Variants in CTIF observed in about 807,000 individuals in gnomAD.
The protein encoded by CTIF is cap binding complex dependent translation initiation factor, also known as CBP80/20-dependent translation initiation factor.
CTIF carries 21 observed loss-of-function variants against 66.0 expected under a neutral mutation model. That is an observed-to-expected ratio of 0.32 (90% confidence interval 0.23 to 0.46). CTIF has a LOEUF of 0.46. Among genes scored for constraint, CTIF ranks in the 20% least tolerant of loss-of-function variants. The probability of loss-of-function intolerance (pLI) is 1.00; values close to 1 mark genes in which losing one functional copy is unlikely to be tolerated. For synonymous variants in CTIF, 345 were observed against 326.4 expected (o/e 1.06, Z -0.62); for missense variants, 739 against 812.7 (o/e 0.91, Z 1.10).
intron 9 of CTIF, among the ~76,000 whole-genome samples, chr18:48,801,175 CTGTG>C (rs1568230944): frequency 6.6e-6 from 1 of 152,218 alleles, no homozygotes; most frequent in Non-Finnish European, 1.5e-5. Flanking sequence ...GAATGGCACA[CTGTG>C]AGAGAGGGGC....
chr18:48,844,609 A>G (rs955482303), intron 10 of CTIF, among the ~76,000 whole-genome samples: 9 of 152,200 alleles, frequency 5.9e-5, no homozygotes, highest in African/African-American at 2.2e-4. Flanking sequence ...GCTGGCAGCC[A>G]GACCACAGGG....
intron 6 of CTIF, among the ~76,000 whole-genome samples, chr18:48,673,320 G>T (rs935997743): frequency 6.6e-6 from 1 of 152,060 alleles, no homozygotes; most frequent in Non-Finnish European, 1.5e-5. Flanking sequence ...ATTTGTGTCT[G>T]TCTTGACACT....
intron 1 of CTIF, among the ~76,000 whole-genome samples, chr18:48,576,273 G>A (rs2089529171): frequency 6.6e-6 from 1 of 152,270 alleles, no homozygotes; most frequent in Admixed American, 6.5e-5. Context: ...ACCCAAGGGA[G>A]GAACACTCAG....
chr18:48,844,697 T>C (rs2069030081), intron 10 of CTIF, among the ~76,000 whole-genome samples: 2 of 152,218 alleles, frequency 1.3e-5, no homozygotes, highest in African/African-American at 4.8e-5. Flanking sequence ...CAAGGCTCCA[T>C]GTTAGACTGG....
Position 48,675,046 on chromosome 18 carries a change from G to C in CTIF, c.507+4302G>C, listed in dbSNP as rs945705421. Among the ~76,000 whole-genome samples, 19 of 150,854 alleles carry C rather than the reference G, an allele frequency of 1.3e-4. No individual in the cohort carries two copies. The East Asian group carries it at 3.4e-3, about 27-fold the overall frequency. On this transcript the variant is annotated intron_variant, in intron 6 of 11. Transcript: ENST00000256413. ...TAAGAACACTGATGGGGTGGTGGGGGGTCGGCGGGGGTGGAGTGGGTGGGA... is the reference window on the plus strand; with the variant it reads ...TAAGAACACTGATGGGGTGGTGGGGCGTCGGCGGGGGTGGAGTGGGTGGGA...
At chr18:48,658,402 G>C (rs1357099766) in intron 3 of CTIF, among the ~76,000 whole-genome samples, 1 of 124,798 alleles carries the variant, frequency 8.0e-6, no homozygotes, top group Non-Finnish European at 1.8e-5. Context: ...TATATATGTG[G>C]TGTGTGCACA....
chr18:48,740,283 A>G (rs1160957062), intron 7 of CTIF, among the ~76,000 whole-genome samples: 1 of 152,120 alleles, frequency 6.6e-6, no homozygotes, highest in African/African-American at 2.4e-5. Flanking sequence ...CTGACCATCC[A>G]GCTTCCAAAC....
intron 6 of CTIF, among the ~76,000 whole-genome samples, chr18:48,676,617 G>T (rs2091634042): frequency 6.6e-6 from 1 of 152,068 alleles, no homozygotes; most frequent in Admixed American, 6.5e-5. Context: ...ACGCCACCCG[G>T]TCAAGTGGGA....
intron 6 of CTIF, among the ~76,000 whole-genome samples, chr18:48,676,128 G>T (rs1212344716): frequency 6.6e-6 from 1 of 152,106 alleles, no homozygotes; most frequent in African/African-American, 2.4e-5. Flanking sequence ...GGTCTAACGG[G>T]CATGTTGTCC....
Position 48,758,121 on chromosome 18 carries a change from G to C in CTIF, c.787G>C (p.Gly263Arg). The change falls in exon 8 of 12, where the codon GGG (glycine) becomes CGG (arginine). Residue 263 changes from glycine to arginine, a missense_variant. Coordinates refer to ENST00000256413, the MANE Select transcript of CTIF (RefSeq NM_014772.3). ...GNMKHPPGDK[G>R]EAGAHRNAKE... is the part of the protein sequence containing the mutation. Reference sequence around the variant, plus strand: ...CATGAAGCACCCACCAGGCGACAAGGGGGAGGCAGGCGCACACCGCAATGC... The same window carrying C: ...CATGAAGCACCCACCAGGCGACAAGCGGGAGGCAGGCGCACACCGCAATGC... 1 of 1,614,072 alleles carries C rather than the reference G, an allele frequency of 6.2e-7. No individual in the cohort carries two copies. The highest frequency in any genetic ancestry group is 8.5e-7 in the Non-Finnish European group (1 of 1,180,010).
At chr18:48,644,430 G>T (rs536908684) in intron 3 of CTIF, among the ~76,000 whole-genome samples, 2 of 152,334 alleles carry the variant, frequency 1.3e-5, no homozygotes, top group East Asian at 3.9e-4. Flanking sequence ...AGAAGTGTGC[G>T]CTGTGATTCC....
intron 10 of CTIF, 59 bp downstream of exon 10, chr18:48,817,435 G>A (rs28696848): frequency 0.12 from 184,044 of 1,547,198 alleles, 13,980 homozygotes; most frequent in Admixed American, 0.34. Flanking sequence ...TCTGGAATGC[G>A]TCTCAGATAA....
intron 1 of CTIF, among the ~76,000 whole-genome samples, chr18:48,568,666 A>G (rs971179317): frequency 7.5e-6 from 1 of 132,550 alleles, no homozygotes; most frequent in South Asian, 2.4e-4. Flanking sequence ...AAAAAAAAAA[A>G]AAGAGGTTTA....
intron 1 of CTIF, among the ~76,000 whole-genome samples, chr18:48,556,740 T>C (rs1346869228): frequency 6.6e-6 from 1 of 152,150 alleles, no homozygotes; most frequent in African/African-American, 2.4e-5. Flanking sequence ...AATTTTTGTA[T>C]TTTTGGTAGA....
chr18:48,631,802 T>TAAGACACCA (rs2090721732), intron 2 of CTIF, among the ~76,000 whole-genome samples: 1 of 152,116 alleles, frequency 6.6e-6, no homozygotes, highest in Non-Finnish European at 1.5e-5. Context: ...CCTTTTCAAG[T>TAAGACACCA]AAGACACCAC....
rs111436514 is a variant in CTIF, at chr18:48,862,871, T to TCAGA, written c.*3322_*3325dup. 32 of 152,372 alleles carry TCAGA rather than the reference T, an allele frequency of 2.1e-4. No individual in the cohort carries two copies. The highest frequency in any genetic ancestry group is 7.5e-4 in the African/African-American group (31 of 41,586). The allele number at this position is 152,372 out of a possible 1,614,324, so 9.4% of individuals were successfully genotyped here. A position where few individuals can be genotyped will look rare whatever the true frequency, so the allele number is the denominator to read the frequency against. On this transcript the variant is annotated 3_prime_UTR_variant, in exon 12 of 12. Coordinates refer to ENST00000256413, the MANE Select transcript of CTIF (RefSeq NM_014772.3). The stretch of plus-strand genomic sequence containing the variant: ...ATCAGACACCGGCCCGTGTTCCTTG[T>TCAGA]CAGACAGACAGACTCTCAGGCCTGC...
chr18:48,555,403 A>G (rs902502208), intron 1 of CTIF, among the ~76,000 whole-genome samples: 1 of 152,206 alleles, frequency 6.6e-6, no homozygotes, highest in Non-Finnish European at 1.5e-5. Context: ...GCTAAGGTCA[A>G]GGGTGTTCAG....
At chr18:48,572,048 T>TTCTCC (rs1568040083) in intron 1 of CTIF, among the ~76,000 whole-genome samples, 6 of 148,622 alleles carry the variant, frequency 4.0e-5, no homozygotes, top group Admixed American at 1.3e-4. Context: ...CTTCCTTCTC[T>TTCTCC]TTCTCCTTCT....
intron 1 of CTIF, among the ~76,000 whole-genome samples, chr18:48,600,177 C>T (rs1043483582): frequency 3.9e-5 from 6 of 152,036 alleles, no homozygotes; most frequent in Admixed American, 2.0e-4. Flanking sequence ...GCAATAGATG[C>T]GCCCCATCAT....
Sources: allele counts gnomAD v4.1 joint callset (sites outside exome capture counted in the v4.1 genomes callset), GRCh38; gene constraint gnomAD v4.1.1; transcripts MANE v1.5; gene names NCBI Gene and HGNC (gene_info 2026-07-23, HGNC 2026-07-21).